PRMT1: variants seen among roughly 807,000 people sequenced by gnomAD.
The protein encoded by PRMT1 is protein arginine N-methyltransferase 1.
In PRMT1, 5 loss-of-function variants were observed where a neutral mutation model predicts 47.4. The observed-to-expected ratio is 0.11, with a 90% confidence interval of 0.06 to 0.22. The LOEUF is 0.22. Among genes scored for constraint, PRMT1 ranks in the 10% least tolerant of loss-of-function variants. The pLI, the probability that PRMT1 is intolerant of heterozygous loss-of-function variation, is 1.00. For synonymous variants in PRMT1, 227 were observed against 204.6 expected (o/e 1.11, Z -0.94); for missense variants, 249 against 518.4 (o/e 0.48, Z 5.05).
chr19:49,686,786 G>A lies in PRMT1; in HGVS notation c.1032+60G>A, dbSNP rs1463712832. Reference sequence around the variant, plus strand: ...GCTAGGGCGGGGAGTGTAGATTGGGGGGGGAGTGGTGGGGGAGGAATGGTG... The same window carrying A: ...GCTAGGGCGGGGAGTGTAGATTGGGAGGGGAGTGGTGGGGGAGGAATGGTG... On this transcript the variant is annotated intron_variant, in intron 10 of 10. Transcript: ENST00000454376. 310 of 1,058,702 alleles carry A rather than the reference G, an allele frequency of 2.9e-4. 1 individual carries two copies. Among genetic ancestry groups the A allele is most frequent in the Non-Finnish European group, 3.8e-4 (297 of 776,226 alleles). 65.6% of individuals were successfully genotyped at this position (1,058,702 alleles called of 1,614,324 possible). A position where few individuals can be genotyped will look rare whatever the true frequency, so the allele number is the denominator to read the frequency against.
At position 49,680,489 on chromosome 19, in the gene PRMT1, G is replaced by T; in HGVS notation, c.93G>T (p.Val31=). 6.2e-7 allele frequency: 1 copy of T among 1,613,652 alleles called. No individual in the cohort carries two copies. Among genetic ancestry groups the T allele is most frequent in the Non-Finnish European group, 8.5e-7 (1 of 1,179,602 alleles). The change falls in exon 3 of 11, where the codon GTG becomes GTT. Residue 31 remains valine, a splice_region_variant and synonymous_variant. Transcript: ENST00000454376. This position sits in a 1 kb window ranked among gnomAD's most constrained non-coding sequence, Gnocchi z 4.2. ...GMSLQPPLEE[V]SCGQAESSEK... The stretch of plus-strand genomic sequence containing the variant: ...TGATCCCATCGGCCCCCTCCCAGGT[G>T]TCCTGTGGCCAGGCGGAAAGCAGTG...
At position 49,688,235 on chromosome 19, in the gene PRMT1, G is replaced by A. The variant is rs773048044; in HGVS notation, c.1106G>A (p.Arg369Gln). Residue 369 changes from arginine (R) to glutamine (Q), a missense_variant, in exon 11 of 11, where the codon CGG becomes CAG. Around this residue, in one of 2 missense-constraint regions of PRMT1, gnomAD observed 190 missense variants for 456.7 expected, o/e 0.42. Coordinates refer to ENST00000454376, the MANE Select transcript of PRMT1 (RefSeq NM_001536.6). This position sits in a 1 kb window ranked among gnomAD's most constrained non-coding sequence, Gnocchi z 5.3. ...LCELSCSTDY[R>Q]MR ...GAGCTGTCCTGCTCCACCGACTACC[G>A]GATGCGCTGAGGCCCGGCTCTCCCG... 6.8e-6 allele frequency: 11 copies of A among 1,613,760 alleles called. No individual in the cohort carries two copies. Among genetic ancestry groups the A allele is most frequent in the Middle Eastern group, 3.3e-4 (2 of 6,082 alleles).
In PRMT1 at chr19:49,686,593, C is replaced by T; in HGVS notation, c.911-12C>T. 6.2e-7 allele frequency: 1 copy of T among 1,609,000 alleles called. No individual in the cohort carries two copies. The highest frequency in any genetic ancestry group is 8.5e-7 in the Non-Finnish European group (1 of 1,178,474). ...AGCAGGCCGAGGCCGGCTGACCCGC[C>T]CGCGCCCCCAGGCCCCGAGTCCCCG... On this transcript the variant is annotated splice_polypyrimidine_tract_variant and intron_variant, in intron 9 of 10. Transcript: ENST00000454376.
chr19:49,680,186 C>A lies in PRMT1; in HGVS notation c.90+261C>A. On this transcript the variant is annotated intron_variant, in intron 2 of 10. Coordinates refer to ENST00000454376, the MANE Select transcript of PRMT1 (RefSeq NM_001536.6). This position sits in a 1 kb window ranked among gnomAD's most constrained non-coding sequence, Gnocchi z 4.2. ...TCTGCCCCCATTTTCCTTCCCCTCC[C>A]CTCCCCAGCTGTGGGCTGAGCTAGA... is the stretch of plus-strand genomic sequence containing the variant. The A allele has an allele frequency of 1.3e-6, 2 of 1,590,662 alleles. No homozygotes were observed. Among genetic ancestry groups the A allele is most frequent in the Non-Finnish European group, 8.6e-7 (1 of 1,166,458 alleles).
rs1352716917 is a variant in PRMT1 at position 49,685,362 on chromosome 19, G to T, written c.759+325G>T. The T allele has an allele frequency of 7.9e-7, 1 of 1,270,704 alleles. No homozygotes were observed. Among genetic ancestry groups the T allele is most frequent in the Non-Finnish European group, 1.0e-6 (1 of 995,680 alleles). 78.7% of individuals were successfully genotyped at this position (1,270,704 alleles called of 1,614,324 possible). A position where few individuals can be genotyped will look rare whatever the true frequency, so the allele number is the denominator to read the frequency against. ...ATGCACATGCACGCGGGCCACTGCA[G>T]AAGAGCACGGGGCCAGGCTGGGCTC... is the stretch of plus-strand genomic sequence containing the variant. On this transcript the variant is annotated intron_variant, in intron 8 of 10. Coordinates refer to ENST00000454376, the MANE Select transcript of PRMT1 (RefSeq NM_001536.6). This position sits in a 1 kb window ranked among gnomAD's most constrained non-coding sequence, Gnocchi z 4.7.
At position 49,680,611 on chromosome 19, in the gene PRMT1, G is replaced by C. The variant is rs768858601; in HGVS notation, c.192+23G>C. ...GAGGTCAGTGGGGACAGTCCCCAAG[G>C]CCCCAATCTTAGGGGGGCTTAAATG... On this transcript the variant is annotated intron_variant, in intron 3 of 10. Coordinates refer to ENST00000454376, the MANE Select transcript of PRMT1 (RefSeq NM_001536.6). The surrounding 1 kb of genome is among the most constrained non-coding windows in gnomAD (Gnocchi z 4.2). The C allele has an allele frequency of 1.5e-5, 23 of 1,554,716 alleles. No homozygotes were observed. The highest frequency in any genetic ancestry group is 1.7e-4 in the Middle Eastern group (1 of 5,960).
upstream of PRMT1, among the ~76,000 whole-genome samples, chr19:49,676,853 A>G (rs559963343): frequency 1.3e-5 from 2 of 152,296 alleles, no homozygotes; most frequent in South Asian, 2.1e-4. Context: ...TTCCGGATAA[A>G]CCAATGGCAG....
At chr19:49,683,750 C>T in intron 5 of PRMT1, 177 bp from the exon 6 acceptor site, 1 of 663,018 alleles carries the variant, frequency 1.5e-6, no homozygotes, top group Non-Finnish European at 2.5e-6. Context: ...ATTTCTGCTC[C>T]TGCCTCAAAA....
At chr19:49,676,980 T>G, upstream of PRMT1, 1 of 350,144 alleles carries the variant, frequency 2.9e-6, no homozygotes, top group Non-Finnish European at 5.1e-6. Context: ...GCATTCCTGG[T>G]GGATTTTGCC....
chr19:49,679,632 G>T, intron 1 of PRMT1: 1 of 698,500 alleles, frequency 1.4e-6, no homozygotes, highest in East Asian at 2.7e-5. Flanking sequence ...GGGCAGCGTG[G>T]GGGTGGGCCA....
In PRMT1 at chr19:49,685,908, T is replaced by C. The variant is rs913481961; in HGVS notation, c.760-185T>C. 59 of 1,414,556 alleles carry C rather than the reference T, an allele frequency of 4.2e-5. No individual in the cohort carries two copies. Among genetic ancestry groups the C allele is most frequent in the Admixed American group, 1.2e-4 (4 of 32,928 alleles). The allele number at this position is 1,414,556 out of a possible 1,614,324, so 87.6% of individuals were successfully genotyped here. On this transcript the variant is annotated intron_variant, in intron 8 of 10. Coordinates refer to ENST00000454376, the MANE Select transcript of PRMT1 (RefSeq NM_001536.6). This position sits in a 1 kb window ranked among gnomAD's most constrained non-coding sequence, Gnocchi z 4.7. ...CAAGGAATCTGGGCTCGAACCCACATGGTTTATTGGGAGCCGGATAGGCAG... is the reference window on the plus strand; with the variant it reads ...CAAGGAATCTGGGCTCGAACCCACACGGTTTATTGGGAGCCGGATAGGCAG...
Position 49,686,173 on chromosome 19 carries a change from C to T in PRMT1, c.840C>T (p.Tyr280=), listed in dbSNP as rs750907553. The part of the protein sequence containing the change: ...PFCLQVKRND[Y]VHALVAYFNI... ...GCCTGCAAGTGAAGCGGAATGACTA[C>T]GTGCACGCCCTGGTGGCCTACTTCA... The change falls in exon 9 of 11, where the codon TAC becomes TAT. Residue 280 remains tyrosine, a synonymous_variant. Coordinates refer to ENST00000454376, the MANE Select transcript of PRMT1 (RefSeq NM_001536.6). The T allele has an allele frequency of 2.8e-5, 46 of 1,614,062 alleles. No individual in the cohort carries two copies. The highest frequency in any genetic ancestry group is 1.4e-4 in the South Asian group (13 of 91,072).
chr19:49,677,145 C>T (rs553795578), upstream of PRMT1: 8 of 763,378 alleles, frequency 1.0e-5, no homozygotes, highest in African/African-American at 1.4e-4. Context: ...TCAGACGGGC[C>T]GCCTCCATTG....
At chr19:49,679,673 A>T in intron 1 of PRMT1, 199 bp from the exon 2 acceptor site, 30 of 480,798 alleles carry the variant, frequency 6.2e-5, no homozygotes, top group Non-Finnish European at 9.0e-5. Context: ...GGGATAGGAG[A>T]CCCCCCTTTC....
At chr19:49,676,976 C>A (rs1017501198), upstream of PRMT1, 3 of 351,456 alleles carry the variant, frequency 8.5e-6, no homozygotes, top group Admixed American at 1.4e-4. Context: ...GAGGGCATTC[C>A]TGGTGGATTT....
At position 49,684,565 on chromosome 19, in the gene PRMT1, C is replaced by T. The variant is rs1045408830; in HGVS notation, c.556-189C>T. Reference sequence around the variant, plus strand: ...GAGGATCCCCAGAACCTCCAAGGGCCGGGAGCTGACTGGGGTGCCCCTGGG... The same window carrying T: ...GAGGATCCCCAGAACCTCCAAGGGCTGGGAGCTGACTGGGGTGCCCCTGGG... On this transcript the variant is annotated intron_variant, in intron 6 of 10. Transcript: ENST00000454376. This position sits in a 1 kb window ranked among gnomAD's most constrained non-coding sequence, Gnocchi z 6.2. 5.3e-5 allele frequency among the ~76,000 whole-genome samples: 8 copies of T among 152,158 alleles called. No individual in the cohort carries two copies. Among genetic ancestry groups the T allele is most frequent in the Non-Finnish European group, 7.4e-5 (5 of 68,008 alleles).
rs1022231692 is a variant in PRMT1, at chr19:49,681,004, T to C, written c.192+416T>C. ...GGTGGCATTCTAAGGAATTTTCTTT[T>C]CCCCCTGAGGCCTTTTTCATAAAAT... On this transcript the variant is annotated intron_variant, in intron 3 of 10. Transcript: ENST00000454376. This position sits in a 1 kb window ranked among gnomAD's most constrained non-coding sequence, Gnocchi z 4.4. 6.6e-6 allele frequency among the ~76,000 whole-genome samples: 1 copy of C among 152,250 alleles called. No homozygotes were observed. Among genetic ancestry groups the C allele is most frequent in the Non-Finnish European group, 1.5e-5 (1 of 68,042 alleles).
intron 1 of PRMT1, 124 bp from the exon 2 acceptor site, chr19:49,679,748 C>A: frequency 1.4e-6 from 1 of 730,892 alleles, no homozygotes. Context: ...CCTTCGCCAC[C>A]ACTCCCCACC....
Position 49,688,067 on chromosome 19 carries a change from T to A in PRMT1, c.1033-95T>A, listed in dbSNP as rs1204676744. The A allele has an allele frequency of 7.2e-6, 8 of 1,115,224 alleles. No homozygotes were observed. The highest frequency in any genetic ancestry group is 9.6e-6 in the Non-Finnish European group (7 of 726,610). 69.1% of individuals were successfully genotyped at this position (1,115,224 alleles called of 1,614,324 possible). ...TGCAGCGTGGAGATGGGCAGGAAGC[T>A]GGAGCCCGGCTCATCGTCGCATAGC... On this transcript the variant is annotated intron_variant, in intron 10 of 10. Transcript: ENST00000454376. This position sits in a 1 kb window ranked among gnomAD's most constrained non-coding sequence, Gnocchi z 5.3.
Sources: allele counts gnomAD v4.1 joint callset (sites outside exome capture counted in the v4.1 genomes callset), GRCh38; gene constraint gnomAD v4.1.1; regional missense constraint gnomAD v4.1.1; non-coding constraint Gnocchi (gnomAD v3.1); transcripts MANE v1.5; gene names NCBI Gene and HGNC (gene_info 2026-07-23, HGNC 2026-07-21).